CSMD1: variants seen among roughly 807,000 people sequenced by gnomAD.
CSMD1 encodes CUB and sushi domain-containing protein 1.
Under a neutral mutation model 417.5 loss-of-function variants are expected in CSMD1, and 213 were observed. The ratio of observed to expected loss-of-function variants is 0.51; its 90% CI spans 0.46 to 0.57. The LOEUF is 0.57. Among genes scored for constraint, CSMD1 ranks in the 20% least tolerant of loss-of-function variants. The pLI, the probability that CSMD1 is intolerant of heterozygous loss-of-function variation, is 0.00. For missense variants in CSMD1, 6,923 were observed against 4,529.7 expected, an observed-to-expected ratio of 1.53 and a Z score of -15.17; for synonymous variants, 2,862 against 1,736.8, an observed-to-expected ratio of 1.65 and a Z score of -16.11.
intron 1 of CSMD1, among the ~76,000 whole-genome samples, chr8:4,727,155 A>T (rs1265462905): frequency 1.3e-5 from 2 of 152,078 alleles, no homozygotes; most frequent in Non-Finnish European, 2.9e-5. Flanking sequence ...CTTCGCTCTC[A>T]ATCCACCGTA....
At chr8:4,931,681 A>C (rs924698817) in intron 1 of CSMD1, among the ~76,000 whole-genome samples, 1 of 152,240 alleles carries the variant, frequency 6.6e-6, no homozygotes, top group South Asian at 2.1e-4. Flanking sequence ...GTTTAAGATT[A>C]TGTAAAGCAA....
At chr8:4,287,251 C>T (rs911962589) in intron 3 of CSMD1, among the ~76,000 whole-genome samples, 2 of 152,110 alleles carry the variant, frequency 1.3e-5, no homozygotes, top group Admixed American at 6.5e-5. Flanking sequence ...CTAAAAGATT[C>T]CCCCTCACAT....
chr8:3,033,704 C>T (rs1490205873), intron 50 of CSMD1, among the ~76,000 whole-genome samples: 2 of 152,100 alleles, frequency 1.3e-5, no homozygotes. Flanking sequence ...CACCATGGCA[C>T]ATGTATACCT....
chr8:4,135,573 G>T (rs1036632920), intron 3 of CSMD1, among the ~76,000 whole-genome samples: 1 of 152,064 alleles, frequency 6.6e-6, no homozygotes, highest in African/African-American at 2.4e-5. Flanking sequence ...AAGAAGAAAT[G>T]AGTTTTGATT....
intron 11 of CSMD1, among the ~76,000 whole-genome samples, chr8:3,480,915 G>C (rs934465886): frequency 2.0e-5 from 3 of 152,020 alleles, no homozygotes; most frequent in African/African-American, 7.2e-5. Flanking sequence ...CCAGCACTTT[G>C]GGAGGCCGAG....
chr8:3,678,121 G>T (rs1799474348), intron 7 of CSMD1, among the ~76,000 whole-genome samples: 1 of 152,120 alleles, frequency 6.6e-6, no homozygotes, highest in African/African-American at 2.4e-5. Flanking sequence ...GCAGAAGACA[G>T]GTGATTTCTG....
At chr8:4,265,063 G>A (rs57688174) in intron 3 of CSMD1, among the ~76,000 whole-genome samples, 14,363 of 152,076 alleles carry the variant, frequency 0.094, 893 homozygotes, top group African/African-American at 0.16. Context: ...TTGATACAAA[G>A]GCTGCTCCTT....
chr8:4,393,888 T>C (rs1804028467), intron 3 of CSMD1, among the ~76,000 whole-genome samples: 1 of 152,210 alleles, frequency 6.6e-6, no homozygotes, highest in Admixed American at 6.5e-5. Flanking sequence ...ATGAGACATA[T>C]GAAATATACC....
At chr8:3,930,433 C>CT (rs1053987391) in intron 5 of CSMD1, among the ~76,000 whole-genome samples, 1 of 150,662 alleles carries the variant, frequency 6.6e-6, no homozygotes, top group Non-Finnish European at 1.5e-5. Flanking sequence ...AGGTCAAAGC[C>CT]TGTTCTTCTT....
At chr8:4,370,434 TATA>T (rs567768264) in intron 3 of CSMD1, among the ~76,000 whole-genome samples, 1 of 152,160 alleles carries the variant, frequency 6.6e-6, no homozygotes, top group Non-Finnish European at 1.5e-5. Context: ...GGTCATCTTG[TATA>T]ATATCTCATG....
chr8:3,140,203 C>A (rs1286435479), intron 41 of CSMD1, among the ~76,000 whole-genome samples: 1 of 152,126 alleles, frequency 6.6e-6, no homozygotes, highest in Admixed American at 6.5e-5. Context: ...CCACACCCAG[C>A]CCCGATTACC....
intron 2 of CSMD1, among the ~76,000 whole-genome samples, chr8:4,435,310 G>C (rs73658894): frequency 0.03 from 4,625 of 152,234 alleles, 241 homozygotes; most frequent in African/African-American, 0.1. Flanking sequence ...ACAGCCAAAT[G>C]TGACACAGGT....
intron 3 of CSMD1, among the ~76,000 whole-genome samples, chr8:4,235,542 G>C (rs191651649): frequency 2.0e-3 from 305 of 152,138 alleles, no homozygotes; most frequent in South Asian, 0.011. Context: ...TCTACTCAAA[G>C]TGCTCCGAAT....
chr8:4,280,828 A>G lies in CSMD1; in HGVS notation c.415+139125T>C, dbSNP rs184777891. ...AATTTTCAAAAATGTATAAATTATAAGACTTTTATCTTCATTTCTTCTACT... is the reference window on the plus strand; with the variant it reads ...AATTTTCAAAAATGTATAAATTATAGGACTTTTATCTTCATTTCTTCTACT... On this transcript the variant is annotated intron_variant, in intron 3 of 69. Transcript: ENST00000635120. Among the ~76,000 whole-genome samples the G allele has an allele frequency of 3.8e-3, 583 of 152,320 alleles. 7 individuals carry two copies. Among genetic ancestry groups the G allele is most frequent in the African/African-American group, 0.013 (557 of 41,578 alleles).
chr8:4,857,991 T>A (rs938540466), intron 1 of CSMD1, among the ~76,000 whole-genome samples: 5 of 152,160 alleles, frequency 3.3e-5, no homozygotes, highest in Non-Finnish European at 5.9e-5. Context: ...ATATCTTTGA[T>A]GAACATTGAC....
chr8:3,733,921 G>C (rs923160569), intron 6 of CSMD1, among the ~76,000 whole-genome samples: 1 of 152,108 alleles, frequency 6.6e-6, no homozygotes, highest in African/African-American at 2.4e-5. Context: ...AGGGTTTGGT[G>C]TTAGCCACAG....
intron 17 of CSMD1, among the ~76,000 whole-genome samples, chr8:3,395,912 C>A (rs537058831): frequency 6.6e-6 from 1 of 152,148 alleles, no homozygotes; most frequent in Admixed American, 6.5e-5. Flanking sequence ...TATATTATTA[C>A]TTCCATTATT....
intron 1 of CSMD1, among the ~76,000 whole-genome samples, chr8:4,749,137 G>C (rs1003735946): frequency 2.0e-5 from 3 of 152,166 alleles, no homozygotes; most frequent in Non-Finnish European, 4.4e-5. Context: ...ATCTAATATT[G>C]TCATGAGTCA....
intron 26 of CSMD1, among the ~76,000 whole-genome samples, chr8:3,276,105 T>C (rs2117185447): frequency 6.6e-6 from 1 of 152,296 alleles, no homozygotes; most frequent in East Asian, 1.9e-4. Context: ...AGATGGGTTT[T>C]TGGTGTGGAT....
Sources: gnomAD v4.1 joint callset for allele counts (sites outside exome capture counted in the v4.1 genomes callset) on GRCh38, gnomAD v4.1.1 for gene constraint, MANE v1.5 for transcripts, NCBI Gene and HGNC (gene_info 2026-07-23, HGNC 2026-07-21) for gene names.